FTO: variants seen among roughly 807,000 people sequenced by gnomAD.
FTO encodes the protein alpha-ketoglutarate-dependent dioxygenase FTO.
FTO carries 47 observed loss-of-function variants against 63.9 expected under a neutral mutation model. The observed-to-expected ratio is 0.74, with a 90% CI of 0.58 to 0.94. The LOEUF (loss-of-function observed/expected upper bound fraction) is 0.94. Ranked by LOEUF, FTO falls within the 40% of genes least tolerant of loss-of-function variation. The probability of loss-of-function intolerance (pLI) is 0.00; values close to 1 mark genes in which losing one functional copy is unlikely to be tolerated. For synonymous variants in FTO, 207 were observed against 224.4 expected, an observed-to-expected ratio of 0.92 and a Z score of 0.69; for missense variants, 562 against 618.1, an observed-to-expected ratio of 0.91 and a Z score of 0.96.
intron 7 of FTO, among the ~76,000 whole-genome samples, chr16:53,923,854 G>A (rs1438909853): frequency 6.6e-6 from 1 of 151,936 alleles, no homozygotes; most frequent in Non-Finnish European, 1.5e-5. Context: ...CATTCCAGCG[G>A]TCGCCCACAT....
chr16:53,908,564 T>C lies in FTO; in HGVS notation c.1239+19613T>C, dbSNP rs142860477. Among the ~76,000 whole-genome samples, 5 of 152,374 alleles carry C rather than the reference T, an allele frequency of 3.3e-5. No individual in the cohort carries two copies. In the East Asian group the frequency reaches 9.6e-4, roughly 29 times the overall value. ...CTGTCAGGAAGGTCTGGTGCCATCC[T>C]CTTTGATATTGCCCTGTGCCTGTCT... On this transcript the variant is annotated intron_variant, in intron 7 of 8. Coordinates refer to ENST00000471389, the MANE Select transcript of FTO (RefSeq NM_001080432.3).
chr16:53,958,536 G>A (rs1040611985), intron 8 of FTO, among the ~76,000 whole-genome samples: 5 of 152,174 alleles, frequency 3.3e-5, no homozygotes, highest in South Asian at 2.1e-4. Context: ...AAGAGAGAGC[G>A]AGATTAAGCT....
intron 2 of FTO, among the ~76,000 whole-genome samples, chr16:53,818,448 T>C (rs1357144508): frequency 6.6e-6 from 1 of 152,158 alleles, no homozygotes. Flanking sequence ...AGAAAGAATC[T>C]CTTGGCAAAT....
intron 3 of FTO, among the ~76,000 whole-genome samples, chr16:53,830,357 G>A (rs953661244): frequency 6.6e-6 from 1 of 152,074 alleles, no homozygotes; most frequent in Admixed American, 6.5e-5. Context: ...TATAAAAAAC[G>A]AACTTTAGCG....
intron 8 of FTO, among the ~76,000 whole-genome samples, chr16:54,092,793 G>GTA (rs1442593693): frequency 3.3e-5 from 5 of 152,180 alleles, no homozygotes; most frequent in African/African-American, 9.7e-5. Context: ...CTGGCCTCCT[G>GTA]TACATCTCTC....
At chr16:54,099,806 A>G (rs1250497461) in intron 8 of FTO, among the ~76,000 whole-genome samples, 1 of 152,108 alleles carries the variant, frequency 6.6e-6, no homozygotes, top group African/African-American at 2.4e-5. Flanking sequence ...GACCTATTTC[A>G]TGTGCCAGAC....
chr16:53,819,701 T>A (rs1452660433), intron 2 of FTO, among the ~76,000 whole-genome samples: 1 of 152,222 alleles, frequency 6.6e-6, no homozygotes, highest in African/African-American at 2.4e-5. Context: ...TCAAAAAGTT[T>A]ATTGATTAAC....
At chr16:53,797,584 TGC>T (rs2078109018) in intron 1 of FTO, among the ~76,000 whole-genome samples, 1 of 152,226 alleles carries the variant, frequency 6.6e-6, no homozygotes, top group Admixed American at 6.5e-5. Context: ...TCTTTATCTG[TGC>T]ACTTGTTGAT....
intron 8 of FTO, among the ~76,000 whole-genome samples, chr16:54,013,978 AGAG>A (rs2084382417): frequency 6.6e-6 from 1 of 152,210 alleles, no homozygotes; most frequent in African/African-American, 2.4e-5. Flanking sequence ...AGTAAGTTGT[AGAG>A]GAACTCTGGT....
At chr16:53,718,659 T>A (rs1327467363) in intron 1 of FTO, among the ~76,000 whole-genome samples, 1 of 152,154 alleles carries the variant, frequency 6.6e-6, no homozygotes, top group Non-Finnish European at 1.5e-5. Context: ...CTTACTTTGT[T>A]TTTTTCAGGG....
At chr16:53,923,917 C>T (rs1395716554) in intron 7 of FTO, among the ~76,000 whole-genome samples, 2 of 151,772 alleles carry the variant, frequency 1.3e-5, no homozygotes, top group Non-Finnish European at 2.9e-5. Context: ...GGCTCCATGG[C>T]TTTTTGTCAA....
At chr16:54,063,608 TAA>T (rs1380929548) in intron 8 of FTO, 1 of 152,012 alleles carries the variant, frequency 6.6e-6, no homozygotes, top group Non-Finnish European at 1.5e-5. Context: ...ACATAAGCGA[TAA>T]GAGTCAAACC....
intron 8 of FTO, among the ~76,000 whole-genome samples, chr16:53,990,614 C>G (rs1041440144): frequency 5.3e-5 from 8 of 150,334 alleles, no homozygotes; most frequent in African/African-American, 7.5e-5. Flanking sequence ...GTGTGTCTCA[C>G]ATGCTTTTAC....
At chr16:54,013,735 C>T (rs1177256220) in intron 8 of FTO, among the ~76,000 whole-genome samples, 1 of 152,114 alleles carries the variant, frequency 6.6e-6, no homozygotes, top group East Asian at 1.9e-4. Flanking sequence ...TTTTAGCAAT[C>T]GAGTATTTTT....
chr16:53,870,604 G>A (rs1420504137), intron 4 of FTO, among the ~76,000 whole-genome samples: 4 of 152,046 alleles, frequency 2.6e-5, no homozygotes, highest in Non-Finnish European at 4.4e-5. Context: ...TTACATCTTT[G>A]ATTTACCACA....
At chr16:54,056,967 A>C (rs1281608527) in intron 8 of FTO, among the ~76,000 whole-genome samples, 1 of 152,196 alleles carries the variant, frequency 6.6e-6, no homozygotes, top group African/African-American at 2.4e-5. Context: ...TTTGCCAGGG[A>C]CTGTGCTAGA....
At chr16:54,107,718 C>A (rs1440241615) in intron 8 of FTO, among the ~76,000 whole-genome samples, 1 of 152,138 alleles carries the variant, frequency 6.6e-6, no homozygotes, top group African/African-American at 2.4e-5. Context: ...CTAACTCAGA[C>A]AATAAAGTCT....
chr16:53,968,612 G>A (rs2083247068), intron 8 of FTO, among the ~76,000 whole-genome samples: 1 of 152,164 alleles, frequency 6.6e-6, no homozygotes, highest in Admixed American at 6.5e-5. Flanking sequence ...AAGAAGTGTT[G>A]ATGTGTGGTT....
intron 1 of FTO, among the ~76,000 whole-genome samples, chr16:53,801,209 C>A (rs1179562185): frequency 6.7e-6 from 1 of 149,106 alleles, no homozygotes; most frequent in Non-Finnish European, 1.5e-5. Flanking sequence ...CATTTTATCT[C>A]TTTTGTTGGC....
Sources: gnomAD v4.1 joint callset for allele counts (sites outside exome capture counted in the v4.1 genomes callset) on GRCh38, gnomAD v4.1.1 for gene constraint, MANE v1.5 for transcripts, NCBI Gene and HGNC (gene_info 2026-07-23, HGNC 2026-07-21) for gene names.